IGFBP7: variants seen among roughly 807,000 people sequenced by gnomAD.
IGFBP7 encodes the protein insulin-like growth factor-binding protein 7.
IGFBP7 carries 31 observed loss-of-function variants against 29.4 expected under a neutral mutation model. That is an observed-to-expected ratio of 1.05 (90% CI 0.79 to 1.42). IGFBP7 has a LOEUF of 1.42. Among genes scored for constraint, IGFBP7 ranks in the 40% most tolerant of loss-of-function variants. The pLI, the probability that IGFBP7 is intolerant of heterozygous loss-of-function variation, is 0.00. For synonymous variants in IGFBP7, 172 were observed against 174.9 expected (o/e 0.98, Z 0.13); for missense variants, 393 against 395.5 (o/e 0.99, Z 0.05).
intron 1 of IGFBP7, among the ~76,000 whole-genome samples, chr4:57,053,999 C>T (rs1277785294): frequency 6.6e-6 from 1 of 152,120 alleles, no homozygotes; most frequent in Non-Finnish European, 1.5e-5. Flanking sequence ...TAGTGAGTTT[C>T]CCTAGGAAAT....
At position 57,110,264 on chromosome 4, in the gene IGFBP7, C is replaced by T. The variant is rs1313684129; in HGVS notation, c.88G>A (p.Asp30Asn). ...LLPLSSSSSS[D>N]TCGPCEPASC... Reference sequence around the variant, plus strand: ...GCCGGCTCGCAGGGGCCGCAGGTGTCCGAAGAGGAGGAAGAGGAGAGGGGC... The same window carrying T: ...GCCGGCTCGCAGGGGCCGCAGGTGTTCGAAGAGGAGGAAGAGGAGAGGGGC... Residue 30 changes from aspartate to asparagine, a missense_variant, in exon 1 of 5, where the codon GAC becomes AAC. Transcript: ENST00000295666. The T allele has an allele frequency of 9.1e-6, 13 of 1,421,756 alleles. No individual in the cohort carries two copies. Among genetic ancestry groups the T allele is most frequent in the Admixed American group, 5.2e-5 (2 of 38,380 alleles). 88.1% of individuals were successfully genotyped at this position (1,421,756 alleles called of 1,614,324 possible).
chr4:57,032,733 T>C (rs552024984), intron 3 of IGFBP7, among the ~76,000 whole-genome samples, 181 bp from the exon 4 acceptor site: 5 of 152,234 alleles, frequency 3.3e-5, no homozygotes, highest in Non-Finnish European at 7.3e-5. Flanking sequence ...TTTGGTTTGC[T>C]GAGGATTCAT....
chr4:57,082,679 C>A (rs1007786443), intron 1 of IGFBP7, among the ~76,000 whole-genome samples: 3 of 152,142 alleles, frequency 2.0e-5, no homozygotes, highest in African/African-American at 4.8e-5. Context: ...TATAAAGAAG[C>A]AGCAAGTTGT....
chr4:57,110,365 G>T lies in IGFBP7; in HGVS notation c.-14C>A. 1 of 1,335,612 alleles carries T rather than the reference G, an allele frequency of 7.5e-7. No individual in the cohort carries two copies. The highest frequency in any genetic ancestry group is 9.6e-7 in the Non-Finnish European group (1 of 1,043,876). The allele number at this position is 1,335,612 out of a possible 1,614,324, so 82.7% of individuals were successfully genotyped here. A position where few individuals can be genotyped will look rare whatever the true frequency, so the allele number is the denominator to read the frequency against. On this transcript the variant is annotated 5_prime_UTR_variant, in exon 1 of 5. Transcript: ENST00000295666. ...CGGCCGCTCCATGGCGGGGTGCGGT[G>T]GCAGCGGCAAGGGCGCGAGTGAGCC... is the stretch of plus-strand genomic sequence containing the variant.
chr4:57,078,514 C>A (rs1442575756), intron 1 of IGFBP7, among the ~76,000 whole-genome samples: 2 of 152,100 alleles, frequency 1.3e-5, no homozygotes, highest in African/African-American at 4.8e-5. Flanking sequence ...GGTAAAAGAT[C>A]CACTGTTTGC....
chr4:57,042,845 GA>G (rs1359251718), intron 1 of IGFBP7, among the ~76,000 whole-genome samples: 1 of 152,194 alleles, frequency 6.6e-6, no homozygotes, highest in Non-Finnish European at 1.5e-5. Flanking sequence ...CTTTTATAAA[GA>G]AATTTGCTGA....
intron 1 of IGFBP7, among the ~76,000 whole-genome samples, chr4:57,054,314 A>G (rs1724586786): frequency 8.3e-6 from 1 of 120,308 alleles, no homozygotes. Context: ...CTGACTAACA[A>G]GAATTCTAAG....
intron 1 of IGFBP7, among the ~76,000 whole-genome samples, chr4:57,108,396 G>T (rs1227457327): frequency 6.6e-6 from 1 of 152,142 alleles, no homozygotes; most frequent in Non-Finnish European, 1.5e-5. Context: ...TTCTACCTTG[G>T]CTAAGATCAG....
chr4:57,033,197 G>T lies in IGFBP7; in HGVS notation c.700C>A (p.Leu234Met). 1 of 1,603,724 alleles carries T rather than the reference G, an allele frequency of 6.2e-7. No homozygotes were observed. The highest frequency in any genetic ancestry group is 1.1e-5 in the South Asian group (1 of 90,920). ...CAGCTCTTGGTACTGGTACTCACCAGCACCCAGCCAGTTACTTCATGCTTT... is the reference window on the plus strand; with the variant it reads ...CAGCTCTTGGTACTGGTACTCACCATCACCCAGCCAGTTACTTCATGCTTT... ...PEKHEVTGWV[L>M]VSPLSKEDAG... The change falls in exon 3 of 5, where the codon CTG (leucine) becomes ATG (methionine). Residue 234 changes from leucine to methionine, a missense_variant and splice_region_variant. Leu to Met is a conservative substitution (Grantham distance 15). Coordinates refer to ENST00000295666, the MANE Select transcript of IGFBP7 (RefSeq NM_001553.3).
intron 1 of IGFBP7, among the ~76,000 whole-genome samples, chr4:57,065,771 C>T (rs1252131741): frequency 6.6e-6 from 1 of 152,194 alleles, no homozygotes; most frequent in Non-Finnish European, 1.5e-5. Flanking sequence ...CACCCTTGCT[C>T]TTTGGTCAAA....
chr4:57,074,040 T>C (rs1725131694), intron 1 of IGFBP7, among the ~76,000 whole-genome samples: 2 of 19,414 alleles, frequency 1.0e-4, no homozygotes. Context: ...GGAAAATGCA[T>C]CTCTCTCTCT....
chr4:57,077,738 G>T (rs1261346569), intron 1 of IGFBP7, among the ~76,000 whole-genome samples: 1 of 152,210 alleles, frequency 6.6e-6, no homozygotes, highest in Non-Finnish European at 1.5e-5. Context: ...AAAGGGAACA[G>T]AACTGCCGCG....
intron 1 of IGFBP7, among the ~76,000 whole-genome samples, chr4:57,083,293 C>G (rs1258689358): frequency 1.3e-5 from 2 of 152,140 alleles, no homozygotes; most frequent in Non-Finnish European, 2.9e-5. Flanking sequence ...CCCCATTTCC[C>G]TGCACATTTC....
chr4:57,054,382 C>T (rs1439934243), intron 1 of IGFBP7, among the ~76,000 whole-genome samples: 1 of 152,054 alleles, frequency 6.6e-6, no homozygotes, highest in Non-Finnish European at 1.5e-5. Flanking sequence ...TGCCCGTAAT[C>T]CCAGCACTTT....
intron 2 of IGFBP7, among the ~76,000 whole-genome samples, chr4:57,039,578 A>G (rs1031571301): frequency 3.3e-5 from 5 of 151,846 alleles, no homozygotes; most frequent in African/African-American, 1.2e-4. Flanking sequence ...AAATGTCAAT[A>G]GTGCTGAGGC....
At chr4:57,096,137 A>G (rs1725758132) in intron 1 of IGFBP7, among the ~76,000 whole-genome samples, 1 of 151,636 alleles carries the variant, frequency 6.6e-6, no homozygotes, top group Non-Finnish European at 1.5e-5. Context: ...TAAAATACCA[A>G]CAAAACTGAC....
At chr4:57,049,637 T>C (rs554811857) in intron 1 of IGFBP7, among the ~76,000 whole-genome samples, 34 of 152,354 alleles carry the variant, frequency 2.2e-4, no homozygotes, top group African/African-American at 8.2e-4. Flanking sequence ...ATTTCTTCTC[T>C]AAAATCCTGT....
intron 1 of IGFBP7, among the ~76,000 whole-genome samples, chr4:57,107,611 T>C (rs1291000798): frequency 6.6e-6 from 1 of 152,228 alleles, no homozygotes; most frequent in Non-Finnish European, 1.5e-5. Flanking sequence ...CTGCTCTCTT[T>C]GGCATTCTCC....
intron 1 of IGFBP7, among the ~76,000 whole-genome samples, chr4:57,098,969 C>G (rs1725830047): frequency 6.6e-6 from 1 of 152,190 alleles, no homozygotes; most frequent in Non-Finnish European, 1.5e-5. Flanking sequence ...TGTGTGGTCT[C>G]TTTCAAAACC....
Sources: gnomAD v4.1 joint callset for allele counts (sites outside exome capture counted in the v4.1 genomes callset) on GRCh38, gnomAD v4.1.1 for gene constraint, MANE v1.5 for transcripts, NCBI Gene and HGNC (gene_info 2026-07-23, HGNC 2026-07-21) for gene names.